JAKMIP1: variants seen among roughly 807,000 people sequenced by gnomAD.
The protein encoded by JAKMIP1 is janus kinase and microtubule-interacting protein 1.
Under a neutral mutation model 113.0 loss-of-function variants are expected in JAKMIP1, and 33 were observed. The ratio of observed to expected loss-of-function variants is 0.29; its 90% CI spans 0.22 to 0.39. The LOEUF (loss-of-function observed/expected upper bound fraction) is 0.39, where lower values mean the gene tolerates loss of function less well. JAKMIP1 is among the 10% of genes least tolerant of loss of function. The probability of loss-of-function intolerance (pLI) is 1.00; values close to 1 mark genes in which losing one functional copy is unlikely to be tolerated. For synonymous variants in JAKMIP1, 480 were observed against 459.9 expected, an observed-to-expected ratio of 1.04 and a Z score of -0.56; for missense variants, 813 against 1,080.5, an observed-to-expected ratio of 0.75 and a Z score of 3.47.
intron 1 of JAKMIP1, among the ~76,000 whole-genome samples, chr4:6,165,688 A>G (rs1723537889): frequency 6.6e-6 from 1 of 152,244 alleles, no homozygotes; most frequent in African/African-American, 2.4e-5. Context: ...GAGTGTAAAC[A>G]TAACTTTTAC....
rs1055195578 is a variant in JAKMIP1, at chr4:6,129,132, C to G, written c.-147-16135G>C. On this transcript the variant is annotated intron_variant, in intron 1 of 20. Coordinates refer to ENST00000409021, the MANE Select transcript of JAKMIP1 (RefSeq NM_001099433.2). This position sits in a 1 kb window ranked among gnomAD's most constrained non-coding sequence, Gnocchi z 5.4. ...ATGAAGACATCACACACCCCACTTT[C>G]ACTCCGCACTGTGGGGTGTCTTCAC... is the stretch of plus-strand genomic sequence containing the variant. Among the ~76,000 whole-genome samples the G allele has an allele frequency of 6.6e-6, 1 of 152,248 alleles. No homozygotes were observed. Among genetic ancestry groups the G allele is most frequent in the Non-Finnish European group, 1.5e-5 (1 of 68,034 alleles).
In JAKMIP1 at chr4:6,106,040, G is replaced by A; in HGVS notation, c.130-73C>T. On this transcript the variant is annotated intron_variant, in intron 2 of 20. Transcript: ENST00000409021. The surrounding 1 kb of genome is among the most constrained non-coding windows in gnomAD (Gnocchi z 5.9). ...AGGGTCAGGGTCAGGGTCACAGCTG[G>A]GGGAGCTGGCCACAGCCTCCCCACG... 1 of 1,051,968 alleles carries A rather than the reference G, an allele frequency of 9.5e-7. No individual in the cohort carries two copies. The highest frequency in any genetic ancestry group is 1.6e-5 in the South Asian group (1 of 64,058). 65.2% of individuals were successfully genotyped at this position (1,051,968 alleles called of 1,614,324 possible). A position where few individuals can be genotyped will look rare whatever the true frequency, so the allele number is the denominator to read the frequency against.
Position 6,049,325 on chromosome 4 carries a change from C to T in JAKMIP1, c.1963-403G>A, listed in dbSNP as rs974290549. Reference sequence around the variant, plus strand: ...TGCTGGGATTACAGGCGTGAGCCACCATGCCCCGCCAACACCAAGCGACTT... The same window carrying T: ...TGCTGGGATTACAGGCGTGAGCCACTATGCCCCGCCAACACCAAGCGACTT... On this transcript the variant is annotated intron_variant, in intron 15 of 20. Coordinates refer to ENST00000409021, the MANE Select transcript of JAKMIP1 (RefSeq NM_001099433.2). The surrounding 1 kb of genome is among the most constrained non-coding windows in gnomAD (Gnocchi z 7.0). Among the ~76,000 whole-genome samples the T allele has an allele frequency of 2.6e-5, 4 of 152,200 alleles. No individual in the cohort carries two copies. Among genetic ancestry groups the T allele is most frequent in the African/African-American group, 9.7e-5 (4 of 41,438 alleles).
At position 6,135,665 on chromosome 4, in the gene JAKMIP1, C is replaced by T. The variant is rs149291774; in HGVS notation, c.-147-22668G>A. Among the ~76,000 whole-genome samples the T allele has an allele frequency of 2.5e-3, 377 of 152,274 alleles. 1 individual carries two copies. Among genetic ancestry groups the T allele is most frequent in the African/African-American group, 8.5e-3 (354 of 41,548 alleles). The stretch of plus-strand genomic sequence containing the variant: ...CATACCACTGCATCAACCATACCAC[C>T]CCCGCTGAGAAGTTGCTTCTTGCCC... On this transcript the variant is annotated intron_variant, in intron 1 of 20. Coordinates refer to ENST00000409021, the MANE Select transcript of JAKMIP1 (RefSeq NM_001099433.2). The surrounding 1 kb of genome is among the most constrained non-coding windows in gnomAD (Gnocchi z 4.9).
chr4:6,184,916 A>G lies in JAKMIP1; in HGVS notation c.-148+15337T>C, dbSNP rs1346507785. On this transcript the variant is annotated intron_variant, in intron 1 of 20. Coordinates refer to ENST00000409021, the MANE Select transcript of JAKMIP1 (RefSeq NM_001099433.2). This position sits in a 1 kb window ranked among gnomAD's most constrained non-coding sequence, Gnocchi z 4.5. ...TCAGCTGCCAGCACAGCTAGAATAA[A>G]GAAGGCAGAATTTGGAAAGAGCAGA... is the stretch of plus-strand genomic sequence containing the variant. Among the ~76,000 whole-genome samples, 1 of 152,230 alleles carries G rather than the reference A, an allele frequency of 6.6e-6. No homozygotes were observed. Among genetic ancestry groups the G allele is most frequent in the Non-Finnish European group, 1.5e-5 (1 of 68,040 alleles).
intron 1 of JAKMIP1, among the ~76,000 whole-genome samples, chr4:6,125,919 C>CCATGTAGAAACACACACCAAACACAA (rs1717458263): frequency 8.3e-6 from 1 of 120,610 alleles, no homozygotes; most frequent in Non-Finnish European, 1.7e-5. Flanking sequence ...ACCATACACA[C>CCATGTAGAAACACACACCAAACACAA]CATGCAGAAA....
chr4:6,166,001 T>C (rs1404534757), intron 1 of JAKMIP1, among the ~76,000 whole-genome samples: 9 of 152,100 alleles, frequency 5.9e-5, no homozygotes, highest in African/African-American at 2.2e-4. Context: ...GACGCATCAC[T>C]CTGCCCTCCA....
intron 1 of JAKMIP1, among the ~76,000 whole-genome samples, chr4:6,121,093 G>T (rs1302484138): frequency 6.6e-6 from 1 of 151,822 alleles, no homozygotes; most frequent in African/African-American, 2.4e-5. Flanking sequence ...TCAGCTACTT[G>T]GGAGGCTGAG....
At chr4:6,085,082 G>C in intron 4 of JAKMIP1, 117 bp from the exon 5 acceptor site, 1 of 1,246,552 alleles carries the variant, frequency 8.0e-7, no homozygotes, top group South Asian at 1.6e-5. Flanking sequence ...TTATTCAGGG[G>C]CCCACATGCC....
At chr4:6,032,407 T>C (rs1014195413) in intron 19 of JAKMIP1, among the ~76,000 whole-genome samples, 1 of 152,186 alleles carries the variant, frequency 6.6e-6, no homozygotes, top group South Asian at 2.1e-4. Context: ...TCTGATGACC[T>C]GGGTTCACAG....
In JAKMIP1 at chr4:6,180,258, C is replaced by T. The variant is rs147511396; in HGVS notation, c.-148+19995G>A. On this transcript the variant is annotated intron_variant, in intron 1 of 20. Coordinates refer to ENST00000409021, the MANE Select transcript of JAKMIP1 (RefSeq NM_001099433.2). This position sits in a 1 kb window ranked among gnomAD's most constrained non-coding sequence, Gnocchi z 4.5. ...AATAATTTCTGATAAAATTGCTACT[C>T]GTAACATTCAGAACCCACAAAAAAT... 2.0e-5 allele frequency among the ~76,000 whole-genome samples: 3 copies of T among 152,232 alleles called. No individual in the cohort carries two copies. The highest frequency in any genetic ancestry group is 3.4e-3 in the Middle Eastern group (1 of 292).
chr4:6,077,671 A>G (rs1719881901), intron 8 of JAKMIP1, among the ~76,000 whole-genome samples: 1 of 151,350 alleles, frequency 6.6e-6, no homozygotes, highest in Non-Finnish European at 1.5e-5. Context: ...TTTTGTAGAG[A>G]CAGGGTCTTG....
In JAKMIP1 at chr4:6,064,989, A is replaced by C. The variant is rs201013945; in HGVS notation, c.1322T>G (p.Phe441Cys). 5 of 1,614,148 alleles carry C rather than the reference A, an allele frequency of 3.1e-6. No homozygotes were observed. The highest frequency in any genetic ancestry group is 4.2e-6 in the Non-Finnish European group (5 of 1,180,044). The change falls in exon 9 of 21, where the codon TTT becomes TGT. Residue 441 changes from phenylalanine (F) to cysteine (C), a missense_variant. Transcript: ENST00000409021. This position sits in a 1 kb window ranked among gnomAD's most constrained non-coding sequence, Gnocchi z 4.3. ...KPPKKHVVET[F>C]FGFDEESVDS... ...CACAGACTCCTCATCAAATCCAAAA[A>C]ATGTCTCCACAACATGCTTCTGTAA...
Position 6,080,091 on chromosome 4 carries a change from G to T in JAKMIP1, c.1242+81C>A. 1 of 1,469,996 alleles carries T rather than the reference G, an allele frequency of 6.8e-7. No individual in the cohort carries two copies. The highest frequency in any genetic ancestry group is 9.1e-7 in the Non-Finnish European group (1 of 1,094,102). 91.1% of individuals were successfully genotyped at this position (1,469,996 alleles called of 1,614,324 possible). A position where few individuals can be genotyped will look rare whatever the true frequency, so the allele number is the denominator to read the frequency against. The stretch of plus-strand genomic sequence containing the variant: ...ACCCAGCTCAGCAGCATCACCCTGA[G>T]CCCCAACACCCGTTCCTGACACCCA... On this transcript the variant is annotated intron_variant, in intron 7 of 20. Transcript: ENST00000409021. The surrounding 1 kb of genome is among the most constrained non-coding windows in gnomAD (Gnocchi z 6.0).
Position 6,109,369 on chromosome 4 carries a change from A to G in JAKMIP1, c.129+3353T>C, listed in dbSNP as rs368983367. On this transcript the variant is annotated intron_variant, in intron 2 of 20. Transcript: ENST00000409021. Reference sequence around the variant, plus strand: ...AGGATGGTCTCGATCTCCTGACCTCATTATCCGCCCGCCTTGGCCTCCCAA... The same window carrying G: ...AGGATGGTCTCGATCTCCTGACCTCGTTATCCGCCCGCCTTGGCCTCCCAA... Among the ~76,000 whole-genome samples the G allele has an allele frequency of 2.7e-3, 410 of 151,602 alleles. 1 individual carries two copies. Among genetic ancestry groups the G allele is most frequent in the Middle Eastern group, 6.8e-3 (2 of 292 alleles).
chr4:6,045,600 A>G (rs1216563537), intron 16 of JAKMIP1, among the ~76,000 whole-genome samples: 2 of 152,204 alleles, frequency 1.3e-5, no homozygotes, highest in African/African-American at 4.8e-5. Flanking sequence ...AGGCTGGGTG[A>G]GGTGTCTCAT....
intron 19 of JAKMIP1, among the ~76,000 whole-genome samples, chr4:6,034,004 T>C (rs751495392): frequency 1.3e-5 from 2 of 152,036 alleles, no homozygotes; most frequent in Non-Finnish European, 2.9e-5. Flanking sequence ...TCCAGCTGTT[T>C]TGTCTCTGTG....
chr4:6,112,900 C>G lies in JAKMIP1; in HGVS notation c.-50G>C. On this transcript the variant is annotated 5_prime_UTR_variant, in exon 2 of 21. Coordinates refer to ENST00000409021, the MANE Select transcript of JAKMIP1 (RefSeq NM_001099433.2). ...AGATCCTGCGGTCCACACCTGTTCA[C>G]GCACGCCAGCCAGCAGGCGTGGCTA... The G allele has an allele frequency of 6.3e-7, 1 of 1,585,358 alleles. No homozygotes were observed. Among genetic ancestry groups the G allele is most frequent in the Non-Finnish European group, 8.6e-7 (1 of 1,162,360 alleles).
rs920908420 is a variant in JAKMIP1, at chr4:6,153,818, A to G, written c.-147-40821T>C. On this transcript the variant is annotated intron_variant, in intron 1 of 20. Coordinates refer to ENST00000409021, the MANE Select transcript of JAKMIP1 (RefSeq NM_001099433.2). The surrounding 1 kb of genome is among the most constrained non-coding windows in gnomAD (Gnocchi z 4.9). The stretch of plus-strand genomic sequence containing the variant: ...AGTTATATTTTCCCTAATGCACACT[A>G]AAGTATTATTAAAATAAATTATGTT... Among the ~76,000 whole-genome samples, 3 of 152,220 alleles carry G rather than the reference A, an allele frequency of 2.0e-5. No homozygotes were observed. Among genetic ancestry groups the G allele is most frequent in the Non-Finnish European group, 4.4e-5 (3 of 68,046 alleles).
Sources: allele counts gnomAD v4.1 joint callset (sites outside exome capture counted in the v4.1 genomes callset), GRCh38; gene constraint gnomAD v4.1.1; non-coding constraint Gnocchi (gnomAD v3.1); transcripts MANE v1.5; gene names NCBI Gene and HGNC (gene_info 2026-07-23, HGNC 2026-07-21).